NTM: variants seen among roughly 807,000 people sequenced by gnomAD.
The protein encoded by NTM is IgLON family member 2.
A neutral mutation model predicts 42.1 loss-of-function variants in NTM; 13 were observed. The observed-to-expected ratio is 0.31, with a 90% CI of 0.20 to 0.49. The LOEUF (loss-of-function observed/expected upper bound fraction) is 0.49. Ranked by LOEUF, NTM falls within the 20% of genes least tolerant of loss-of-function variation. The probability of loss-of-function intolerance (pLI) is 0.99; values close to 1 mark genes in which losing one functional copy is unlikely to be tolerated. For missense variants in NTM, 373 were observed against 452.8 expected (o/e 0.82, Z 1.60); for synonymous variants, 187 against 179.2 (o/e 1.04, Z -0.35).
At chr11:131,884,409 CAAAAAGAAAA>C (rs1206787087) in intron 1 of NTM, among the ~76,000 whole-genome samples, 1 of 150,104 alleles carries the variant, frequency 6.7e-6, no homozygotes, top group Admixed American at 6.6e-5. Flanking sequence ...AACTCCATCT[CAAAAAGAAAA>C]AAAAAGAAAG....
intron 1 of NTM, among the ~76,000 whole-genome samples, chr11:131,777,934 G>C (rs1306574346): frequency 6.6e-6 from 1 of 152,140 alleles, no homozygotes; most frequent in East Asian, 1.9e-4. Context: ...CATGGTGAGG[G>C]ACAAATATAT....
chr11:132,094,926 C>T (rs1246328992), intron 2 of NTM, among the ~76,000 whole-genome samples: 1 of 152,176 alleles, frequency 6.6e-6, no homozygotes, highest in Non-Finnish European at 1.5e-5. Flanking sequence ...GCATTTGTTA[C>T]AGTCAGTCTC....
intron 1 of NTM, among the ~76,000 whole-genome samples, chr11:131,722,270 TTAGA>T (rs1231854274): frequency 6.6e-6 from 1 of 152,278 alleles, no homozygotes; most frequent in Non-Finnish European, 1.5e-5. Context: ...CTCACTACAC[TTAGA>T]TAGGGGACTA....
intron 3 of NTM, among the ~76,000 whole-genome samples, chr11:132,199,092 A>G (rs1178605109): frequency 6.6e-6 from 1 of 152,248 alleles, no homozygotes; most frequent in Non-Finnish European, 1.5e-5. Flanking sequence ...TAGGGTGGCT[A>G]GAGTGCTAAA....
At chr11:132,143,022 TG>T (rs1479821787) in intron 2 of NTM, among the ~76,000 whole-genome samples, 2 of 152,176 alleles carry the variant, frequency 1.3e-5, no homozygotes, top group African/African-American at 4.8e-5. Flanking sequence ...TCCTGCACCA[TG>T]GCCACTCACC....
chr11:132,251,200 T>A (rs1245061213), intron 4 of NTM, among the ~76,000 whole-genome samples: 1 of 152,228 alleles, frequency 6.6e-6, no homozygotes, highest in Admixed American at 6.5e-5. Flanking sequence ...GAGCTTTTCC[T>A]GTTAGACTCC....
Position 131,965,809 on chromosome 11 carries a change from G to A in NTM, c.167+54161G>A, listed in dbSNP as rs374351341. Reference sequence around the variant, plus strand: ...TATCAGCTAATTGAAGGTGAGGACTGTGTCTGAGTTTTCAAATCTGCCATG... The same window carrying A: ...TATCAGCTAATTGAAGGTGAGGACTATGTCTGAGTTTTCAAATCTGCCATG... On this transcript the variant is annotated intron_variant, in intron 2 of 8. Coordinates refer to ENST00000683400, the MANE Select transcript of NTM (RefSeq NM_001352005.2). 1.4e-4 allele frequency among the ~76,000 whole-genome samples: 22 copies of A among 152,144 alleles called. 2 individuals are homozygous for A. Among genetic ancestry groups the A allele is most frequent in the Admixed American group, 1.0e-3 (16 of 15,256 alleles).
At chr11:131,915,134 C>T (rs185853652) in intron 2 of NTM, among the ~76,000 whole-genome samples, 53 of 152,290 alleles carry the variant, frequency 3.5e-4, no homozygotes, top group African/African-American at 1.2e-3. Flanking sequence ...CTGAAATAGA[C>T]AATTATTCCC....
chr11:131,641,658 C>T (rs1049638793), intron 1 of NTM, among the ~76,000 whole-genome samples: 5 of 152,106 alleles, frequency 3.3e-5, no homozygotes, highest in Middle Eastern at 6.9e-3. Flanking sequence ...TTGGCAGTGG[C>T]CACAAAAGGT....
At chr11:132,200,722 G>A (rs773923719) in intron 3 of NTM, among the ~76,000 whole-genome samples, 7 of 152,018 alleles carry the variant, frequency 4.6e-5, no homozygotes, top group South Asian at 2.1e-4. Context: ...GCTGAGAGCC[G>A]AGAGCGGCGA....
chr11:131,532,245 C>G (rs934868424), intron 1 of NTM, among the ~76,000 whole-genome samples: 9 of 152,340 alleles, frequency 5.9e-5, no homozygotes, highest in Non-Finnish European at 1.2e-4. Flanking sequence ...CTCCACCCCA[C>G]TCCTCCAGCT....
In NTM at chr11:131,647,352, A is replaced by C. The variant is rs377587048; in HGVS notation, c.83-264212A>C. ...CATCAATAGGTGATTAAAGAGTGCC[A>C]GGCATGGAACAGTGCATCTCTAACC... On this transcript the variant is annotated intron_variant, in intron 1 of 8. Coordinates refer to ENST00000683400, the MANE Select transcript of NTM (RefSeq NM_001352005.2). Among the ~76,000 whole-genome samples the C allele has an allele frequency of 1.9e-4, 29 of 152,318 alleles. No individual in the cohort carries two copies. In the East Asian group the frequency reaches 3.1e-3, roughly 16 times the overall value.
chr11:131,650,530 A>C (rs921610462), intron 1 of NTM, among the ~76,000 whole-genome samples: 6 of 152,234 alleles, frequency 3.9e-5, no homozygotes, highest in African/African-American at 1.4e-4. Flanking sequence ...CTATTTTACT[A>C]TGAAAAACAG....
At chr11:132,054,265 G>T (rs2079278322) in intron 2 of NTM, among the ~76,000 whole-genome samples, 1 of 152,160 alleles carries the variant, frequency 6.6e-6, no homozygotes, top group African/African-American at 2.4e-5. Context: ...TGCAGTTTTA[G>T]CCTGCTGTCT....
At chr11:132,051,966 TC>T (rs2078916376) in intron 2 of NTM, among the ~76,000 whole-genome samples, 1 of 152,112 alleles carries the variant, frequency 6.6e-6, no homozygotes, top group Non-Finnish European at 1.5e-5. Context: ...TACTAGTTGG[TC>T]CATTGCTCAT....
At chr11:131,898,456 T>C (rs1321931423) in intron 1 of NTM, among the ~76,000 whole-genome samples, 1 of 152,240 alleles carries the variant, frequency 6.6e-6, no homozygotes. Flanking sequence ...AATAAGACAC[T>C]CTCCCCTTTT....
chr11:131,770,216 C>G (rs960002333), intron 1 of NTM, among the ~76,000 whole-genome samples: 1 of 152,206 alleles, frequency 6.6e-6, no homozygotes, highest in Admixed American at 6.5e-5. Flanking sequence ...TTGCCTGTCC[C>G]CTGACAGAGG....
Position 131,746,724 on chromosome 11 carries a change from AT to A in NTM, c.83-164831del, listed in dbSNP as rs889210456. Among the ~76,000 whole-genome samples, 691 of 151,252 alleles carry A rather than the reference AT, an allele frequency of 4.6e-3. 9 individuals carry two copies. Among genetic ancestry groups the A allele is most frequent in the African/African-American group, 0.011 (457 of 41,234 alleles). On this transcript the variant is annotated intron_variant, in intron 1 of 8. Coordinates refer to ENST00000683400, the MANE Select transcript of NTM (RefSeq NM_001352005.2). ...GTTTTATAAATGATGGGACATTGCT[AT>A]TTTTTTTTCCTGCTTCATATGCTTG...
At chr11:132,155,958 G>A (rs1269415220) in intron 3 of NTM, among the ~76,000 whole-genome samples, 1 of 152,202 alleles carries the variant, frequency 6.6e-6, no homozygotes, top group Non-Finnish European at 1.5e-5. Flanking sequence ...AGCGATGGCT[G>A]CAAGCTTGGG....
Sources: allele counts gnomAD v4.1 joint callset (sites outside exome capture counted in the v4.1 genomes callset), GRCh38; gene constraint gnomAD v4.1.1; transcripts MANE v1.5; gene names NCBI Gene and HGNC (gene_info 2026-07-23, HGNC 2026-07-21).